Variants in KCNK5 observed in about 807,000 individuals in gnomAD.
KCNK5 encodes the protein potassium channel subfamily K member 5.
In KCNK5, 18 loss-of-function variants were observed where a neutral mutation model predicts 32.9. That is an observed-to-expected ratio of 0.55 (90% CI 0.38 to 0.81). The LOEUF is 0.81. Among genes scored for constraint, KCNK5 ranks in the 30% least tolerant of loss-of-function variants. KCNK5 has a pLI of 0.00. For synonymous variants in KCNK5, 276 were observed against 275.3 expected (o/e 1.00, Z -0.03); for missense variants, 507 against 651.0 (o/e 0.78, Z 2.41).
intron 4 of KCNK5, among the ~76,000 whole-genome samples, chr6:39,193,163 GGC>G (rs879878816): frequency 0.019 from 2,968 of 152,336 alleles, 38 homozygotes; most frequent in South Asian, 0.034. Context: ...GAGAAAGTAT[GGC>G]TAAGTGTACA....
intron 1 of KCNK5, among the ~76,000 whole-genome samples, chr6:39,209,935 G>A (rs1046820361): frequency 4.6e-5 from 7 of 152,202 alleles, no homozygotes; most frequent in African/African-American, 1.4e-4. Context: ...CAAAAGGCTC[G>A]ATAGAGAGCA....
intron 1 of KCNK5, 112 bp downstream of exon 1, chr6:39,228,814 A>T (rs1388319457): frequency 9.7e-6 from 10 of 1,034,288 alleles, no homozygotes; most frequent in Non-Finnish European, 1.4e-5. Context: ...CACCCCCTGG[A>T]CCTTCCACAG....
chr6:39,200,733 C>CCAGAGCTT (rs1373551172), intron 1 of KCNK5, among the ~76,000 whole-genome samples: 6 of 152,204 alleles, frequency 3.9e-5, no homozygotes, highest in African/African-American at 1.4e-4. Context: ...GTGCCCTTGC[C>CCAGAGCTT]CAGAGCTTCA....
chr6:39,190,431 C>T lies in KCNK5; in HGVS notation c.*459G>A. On this transcript the variant is annotated 3_prime_UTR_variant, in exon 5 of 5. Coordinates refer to ENST00000359534, the MANE Select transcript of KCNK5 (RefSeq NM_003740.4). The stretch of plus-strand genomic sequence containing the variant: ...CCTGCTGTGGTACGGAAACACCTGA[C>T]CCCACGCACAGCGGTACCTCCCCAG... The T allele has an allele frequency of 6.5e-6, 1 of 153,796 alleles. No individual in the cohort carries two copies. The highest frequency in any genetic ancestry group is 1.4e-5 in the Non-Finnish European group (1 of 69,240). The allele number at this position is 153,796 out of a possible 1,614,324, so 9.5% of individuals were successfully genotyped here.
intron 1 of KCNK5, among the ~76,000 whole-genome samples, chr6:39,219,774 A>C (rs1377720978): frequency 3.3e-5 from 5 of 152,190 alleles, no homozygotes; most frequent in Admixed American, 2.6e-4. Context: ...AAACTGAGCA[A>C]GACTGAAATC....
In KCNK5 at chr6:39,229,259, C is replaced by T; in HGVS notation, c.-148G>A. The stretch of plus-strand genomic sequence containing the variant: ...TACTCACCCCCCGCAAGCACCGCTC[C>T]CCGGACAGAGTTGCTTGGCCAAGTT... On this transcript the variant is annotated 5_prime_UTR_variant, in exon 1 of 5. Transcript: ENST00000359534. 2.3e-6 allele frequency: 2 copies of T among 864,622 alleles called. No individual in the cohort carries two copies. The highest frequency in any genetic ancestry group is 1.7e-6 in the Non-Finnish European group (1 of 575,496). The allele number at this position is 864,622 out of a possible 1,614,324, so 53.6% of individuals were successfully genotyped here.
chr6:39,201,597 G>A (rs1272702175), intron 1 of KCNK5, among the ~76,000 whole-genome samples: 1 of 152,156 alleles, frequency 6.6e-6, no homozygotes, highest in Admixed American at 6.5e-5. Flanking sequence ...CCCTGCGGAG[G>A]GATGGTAAAA....
intron 1 of KCNK5, among the ~76,000 whole-genome samples, chr6:39,208,036 A>G (rs1771259989): frequency 6.6e-6 from 1 of 151,262 alleles, no homozygotes; most frequent in Non-Finnish European, 1.5e-5. Flanking sequence ...AAATTCCCCA[A>G]CCCAGGGGCC....
At chr6:39,199,041 G>GT (rs1771080221) in intron 1 of KCNK5, among the ~76,000 whole-genome samples, 1 of 152,202 alleles carries the variant, frequency 6.6e-6, no homozygotes, top group Admixed American at 6.5e-5. Flanking sequence ...GTTCTAGGCA[G>GT]TGAGTATACT....
intron 1 of KCNK5, among the ~76,000 whole-genome samples, chr6:39,212,457 A>G (rs1157110759): frequency 2.6e-5 from 4 of 152,302 alleles, no homozygotes; most frequent in Non-Finnish European, 5.9e-5. Flanking sequence ...GACCCTCAGG[A>G]TGACCCATGC....
Position 39,194,946 on chromosome 6 carries a change from G to A in KCNK5, c.299-186C>T, listed in dbSNP as rs1305227540. On this transcript the variant is annotated intron_variant, in intron 2 of 4. Transcript: ENST00000359534. This position sits in a 1 kb window ranked among gnomAD's most constrained non-coding sequence, Gnocchi z 4.7. ...ATTGATAAAGCAATTATGATGACATGAGCTGTATCTCCTCCATCATACAAG... is the reference window on the plus strand; with the variant it reads ...ATTGATAAAGCAATTATGATGACATAAGCTGTATCTCCTCCATCATACAAG... 6.6e-6 allele frequency among the ~76,000 whole-genome samples: 1 copy of A among 152,278 alleles called. No individual in the cohort carries two copies. The highest frequency in any genetic ancestry group is 1.9e-4 in the East Asian group (1 of 5,186).
chr6:39,197,244 T>A (rs1450740769), intron 1 of KCNK5, among the ~76,000 whole-genome samples: 1 of 152,062 alleles, frequency 6.6e-6, no homozygotes, highest in East Asian at 1.9e-4. Flanking sequence ...AGAGCATGAC[T>A]GAGGTTTGGT....
intron 1 of KCNK5, among the ~76,000 whole-genome samples, chr6:39,219,129 T>C (rs1771496177): frequency 2.0e-5 from 3 of 152,190 alleles, no homozygotes. Context: ...CAGTGTACTC[T>C]TGCTGACCTC....
chr6:39,196,022 C>T lies in KCNK5; in HGVS notation c.187-35G>A, dbSNP rs200166839. ...GAAACAGTAAAGGTCAGAGCTGAGGCCACACTTAACAGATGCTGATTGACA... is the reference window on the plus strand; with the variant it reads ...GAAACAGTAAAGGTCAGAGCTGAGGTCACACTTAACAGATGCTGATTGACA... On this transcript the variant is annotated intron_variant, in intron 1 of 4. Transcript: ENST00000359534. 1.8e-5 allele frequency: 27 copies of T among 1,460,712 alleles called. No homozygotes were observed. The East Asian group carries it at 6.2e-4, about 34-fold the overall frequency. 90.5% of individuals were successfully genotyped at this position (1,460,712 alleles called of 1,614,324 possible).
At chr6:39,200,394 G>A (rs772232310) in intron 1 of KCNK5, among the ~76,000 whole-genome samples, 5 of 152,122 alleles carry the variant, frequency 3.3e-5, no homozygotes, top group Non-Finnish European at 7.3e-5. Context: ...GCCAAGAGTT[G>A]GGTAAAGCAT....
At chr6:39,206,760 G>C (rs190973677) in intron 1 of KCNK5, among the ~76,000 whole-genome samples, 101 of 152,236 alleles carry the variant, frequency 6.6e-4, no homozygotes, top group Non-Finnish European at 1.3e-3. Context: ...GGGTTACCTG[G>C]GGCATGTCTT....
At chr6:39,203,297 A>C (rs1771162993) in intron 1 of KCNK5, among the ~76,000 whole-genome samples, 4 of 152,328 alleles carry the variant, frequency 2.6e-5, no homozygotes, top group Admixed American at 2.0e-4. Flanking sequence ...ACATGGAGGA[A>C]GGGACTGTGG....
At position 39,190,183 on chromosome 6, in the gene KCNK5, A is replaced by G. The variant is rs1770895515; in HGVS notation, c.*707T>C. The G allele has an allele frequency of 6.6e-6, 1 of 152,380 alleles. No homozygotes were observed. Among genetic ancestry groups the G allele is most frequent in the South Asian group, 2.1e-4 (1 of 4,830 alleles). The allele number at this position is 152,380 out of a possible 1,614,324, so 9.4% of individuals were successfully genotyped here. On this transcript the variant is annotated 3_prime_UTR_variant, in exon 5 of 5. Transcript: ENST00000359534. ...TGCCACTGCTTGACCTGAGACAGGG[A>G]ACACAGCTCTGGGCTGGGCCTGAGT...
intron 4 of KCNK5, among the ~76,000 whole-genome samples, chr6:39,192,486 C>T (rs1184562406): frequency 6.6e-5 from 10 of 152,144 alleles, no homozygotes; most frequent in South Asian, 2.1e-4. Flanking sequence ...ATGGATATTA[C>T]ACAAGGGAGC....
Sources: gnomAD v4.1 joint callset for allele counts (sites outside exome capture counted in the v4.1 genomes callset) on GRCh38, gnomAD v4.1.1 for gene constraint, Gnocchi (gnomAD v3.1) non-coding constraint, MANE v1.5 for transcripts, NCBI Gene and HGNC (gene_info 2026-07-23, HGNC 2026-07-21) for gene names.